RPL3L: variants seen among roughly 807,000 people sequenced by gnomAD.
RPL3L encodes ribosomal protein L3 like, also known as ribosomal protein uL3-like.
A neutral mutation model predicts 44.5 loss-of-function variants in RPL3L; 44 were observed. That is an observed-to-expected ratio of 0.99 (90% CI 0.78 to 1.27). The LOEUF (loss-of-function observed/expected upper bound fraction) is 1.27, where lower values mean the gene tolerates loss of function less well. Among genes scored for constraint, RPL3L ranks in the 50% most tolerant of loss-of-function variants. The pLI is 0.00. For synonymous variants in RPL3L, 292 were observed against 230.7 expected, an observed-to-expected ratio of 1.27 and a Z score of -2.41; for missense variants, 631 against 569.1, an observed-to-expected ratio of 1.11 and a Z score of -1.11.
Position 1,944,726 on chromosome 16 carries a change from T to C in RPL3L, c.*111A>G. On this transcript the variant is annotated 3_prime_UTR_variant, in exon 10 of 10. Coordinates refer to ENST00000268661, the MANE Select transcript of RPL3L (RefSeq NM_005061.3). ...TAGGCAGCAGGCAAGGTGAACCCCT[T>C]GGGCGGTTACACAGCGCTCTGAGAC... 7.3e-7 allele frequency: 1 copy of C among 1,373,850 alleles called. No homozygotes were observed. The highest frequency in any genetic ancestry group is 1.2e-5 in the South Asian group (1 of 85,636). The allele number at this position is 1,373,850 out of a possible 1,614,324, so 85.1% of individuals were successfully genotyped here.
Position 1,944,946 on chromosome 16 carries a change from G to A in RPL3L, c.1168-53C>T, listed in dbSNP as rs145199665. 44 of 1,609,344 alleles carry A rather than the reference G, an allele frequency of 2.7e-5. No individual in the cohort carries two copies. In the Admixed American group the frequency reaches 5.2e-4, roughly 19 times the overall value. ...CCTTAGTCACTCTGGCCAGAAACAC[G>A]CCCTCCCCCAGCCAGGCTCTAGATC... On this transcript the variant is annotated intron_variant, in intron 9 of 9. Transcript: ENST00000268661.
chr16:1,948,428 T>G (rs1597026727), intron 4 of RPL3L, among the ~76,000 whole-genome samples: 1 of 152,154 alleles, frequency 6.6e-6, no homozygotes, highest in South Asian at 2.1e-4. Flanking sequence ...GTTTCCCATG[T>G]TGGCCAGGCT....
intron 4 of RPL3L, 63 bp from the exon 5 acceptor site, chr16:1,947,443 G>T: frequency 6.9e-7 from 1 of 1,455,886 alleles, no homozygotes; most frequent in South Asian, 1.4e-5. Context: ...CTGAAACATG[G>T]CATGGCCAGC....
At chr16:1,945,739 G>T (rs988068640) in intron 8 of RPL3L, 96 bp downstream of exon 8, 90 of 1,601,846 alleles carry the variant, frequency 5.6e-5, no homozygotes, top group Non-Finnish European at 5.9e-5. Flanking sequence ...CTCCCCTTCT[G>T]CTCCCACCAC....
chr16:1,947,014 T>C lies in RPL3L; in HGVS notation c.773A>G (p.His258Arg). 6.2e-7 allele frequency: 1 copy of C among 1,612,110 alleles called. No homozygotes were observed. Among genetic ancestry groups the C allele is most frequent in the Non-Finnish European group, 8.5e-7 (1 of 1,179,690 alleles). Residue 258 changes from histidine to arginine, a missense_variant, in exon 6 of 10, where the codon CAC becomes CGC. His to Arg is a conservative substitution (Grantham distance 29). Coordinates refer to ENST00000268661, the MANE Select transcript of RPL3L (RefSeq NM_005061.3). ...LRKVACIGAWHPARVGCSIAR... is the reference protein window; with the variant it reads ...LRKVACIGAWRPARVGCSIAR... ...AATGGAGCAGCCCACGCGGGCGGGG[T>C]GCCAGGCGCCAATGCAGGCCACCTT...
intron 9 of RPL3L, among the ~76,000 whole-genome samples, chr16:1,945,172 G>A (rs141170970): frequency 0.043 from 6,504 of 151,992 alleles, 244 homozygotes; most frequent in South Asian, 0.11. Flanking sequence ...TGGCTAATAC[G>A]ATGAAACCCC....
rs754614526 is a variant in RPL3L at position 1,954,049 on chromosome 16, C to T, written c.103G>A (p.Asp35Asn). ...AGGTGCACGGGCTGGCTGGGGTCAT[C>T]CCGCGGCCACGTCTTCACCTTGCCC... ...HRGKVKTWPR[D>N]DPSQPVHLTA... Residue 35 changes from aspartate (D) to asparagine (N), a missense_variant, in exon 2 of 10, where the codon GAT becomes AAT. Asp to Asn is a conservative substitution (Grantham distance 23). Coordinates refer to ENST00000268661, the MANE Select transcript of RPL3L (RefSeq NM_005061.3). 5.6e-6 allele frequency: 9 copies of T among 1,607,252 alleles called. No individual in the cohort carries two copies. Among genetic ancestry groups the T allele is most frequent in the Non-Finnish European group, 7.6e-6 (9 of 1,177,686 alleles).
intron 4 of RPL3L, among the ~76,000 whole-genome samples, chr16:1,948,775 G>C (rs1387203067): frequency 6.6e-6 from 1 of 151,916 alleles, no homozygotes; most frequent in Non-Finnish European, 1.5e-5. Context: ...GAGTGCAGTG[G>C]CGCAATCTCG....
At chr16:1,950,383 G>C (rs1303300954) in intron 4 of RPL3L, among the ~76,000 whole-genome samples, 1 of 151,972 alleles carries the variant, frequency 6.6e-6, no homozygotes, top group East Asian at 1.9e-4. Context: ...GGAAGCTCAG[G>C]GTCGGGGGCA....
In RPL3L at chr16:1,947,221, C is replaced by T; in HGVS notation, c.661G>A (p.Ala221Thr). 4.3e-6 allele frequency: 7 copies of T among 1,613,120 alleles called. No homozygotes were observed. The highest frequency in any genetic ancestry group is 5.9e-6 in the Non-Finnish European group (7 of 1,179,422). ...TTGACGCCTCGACCCTTGGTGACAGCAATGACATCAATGACCTCACTCTGG... is the reference window on the plus strand; with the variant it reads ...TTGACGCCTCGACCCTTGGTGACAGTAATGACATCAATGACCTCACTCTGG... ...FSQSEVIDVI[A>T]VTKGRGVKGV... is the part of the protein sequence containing the mutation. The change falls in exon 5 of 10, where the codon GCT becomes ACT. Residue 221 changes from alanine (A) to threonine (T), a missense_variant. Transcript: ENST00000268661.
intron 4 of RPL3L, among the ~76,000 whole-genome samples, chr16:1,949,268 T>G (rs1488580296): frequency 3.1e-5 from 4 of 130,658 alleles, no homozygotes; most frequent in Non-Finnish European, 6.5e-5. Flanking sequence ...TCTTTTTTTT[T>G]TTTTTTTTTT....
intron 1 of RPL3L, 64 bp downstream of exon 1, chr16:1,954,565 G>C (rs373752625): frequency 6.7e-7 from 1 of 1,501,686 alleles, no homozygotes. Flanking sequence ...CAGAAGCCCA[G>C]CTGTCCCACC....
chr16:1,946,683 A>C lies in RPL3L; in HGVS notation c.893T>G (p.Leu298Arg). ...GCTGGTGGATGCATTGTTCTTCACC[A>C]GCTTCCCGTCCTCCATGTGCGGGCC... is the stretch of plus-strand genomic sequence containing the variant. ...GRGPHMEDGK[L>R]VKNNASTSYD... Residue 298 changes from leucine (L) to arginine (R), a missense_variant, in exon 7 of 10, where the codon CTG becomes CGG. Transcript: ENST00000268661. 6.2e-7 allele frequency: 1 copy of C among 1,612,810 alleles called. No homozygotes were observed. The highest frequency in any genetic ancestry group is 8.5e-7 in the Non-Finnish European group (1 of 1,179,976).
At chr16:1,949,252 T>C (rs57830631) in intron 4 of RPL3L, among the ~76,000 whole-genome samples, 26 of 114,070 alleles carry the variant, frequency 2.3e-4, no homozygotes, top group African/African-American at 7.9e-4. Flanking sequence ...TTGTTTTTTT[T>C]TTTTTTCTTT....
chr16:1,945,453 G>A, intron 9 of RPL3L, 46 bp downstream of exon 9: 1 of 1,581,096 alleles, frequency 6.3e-7, no homozygotes, highest in South Asian at 1.1e-5. Flanking sequence ...GCTGGATGTG[G>A]AGCTGGAGCC....
chr16:1,944,850 G>T lies in RPL3L; in HGVS notation c.1211C>A (p.Ser404Ter). ...KHLEKETPET[S>*]GDL ...ACCCCACACAGCCTACAAGTCTCCC[G>T]AGGTCTCCGGCGTTTCCTTCTCCAG... The change falls in exon 10 of 10, where the codon TCG (serine) becomes TAG (stop). Residue 404 changes from serine to a stop codon, truncating the protein, a stop_gained. Transcript: ENST00000268661. LOFTEE classifies it high-confidence loss of function. 2 of 1,614,040 alleles carry T rather than the reference G, an allele frequency of 1.2e-6. No individual in the cohort carries two copies. Among genetic ancestry groups the T allele is most frequent in the Non-Finnish European group, 1.7e-6 (2 of 1,180,002 alleles).
rs71394716 is a variant in RPL3L at position 1,951,726 on chromosome 16, CATTATTATTATTATT to C, written c.366-762_366-748del. Among the ~76,000 whole-genome samples, 452 of 138,028 alleles carry C rather than the reference CATTATTATTATTATT, an allele frequency of 3.3e-3. 2 individuals carry two copies. The highest frequency in any genetic ancestry group is 0.012 in the East Asian group (58 of 4,732). 90.6% of individuals were successfully genotyped at this position (138,028 alleles called of 152,430 possible). A position where few individuals can be genotyped will look rare whatever the true frequency, so the allele number is the denominator to read the frequency against. On this transcript the variant is annotated intron_variant, in intron 3 of 9. Coordinates refer to ENST00000268661, the MANE Select transcript of RPL3L (RefSeq NM_005061.3). The stretch of plus-strand genomic sequence containing the variant: ...CCTCAGCAGAGTTCTGGGAGGTGGA[CATTATTATTATTATT>C]ATTATTATTATTATTATTATTATTA...
At chr16:1,953,862 G>T in intron 2 of RPL3L, 94 bp downstream of exon 2, 1 of 1,272,552 alleles carries the variant, frequency 7.9e-7, no homozygotes, top group Non-Finnish European at 1.0e-6. Context: ...CCCTGGGACT[G>T]TGGCCCTGTC....
intron 4 of RPL3L, among the ~76,000 whole-genome samples, chr16:1,950,524 G>A (rs145578330): frequency 4.6e-5 from 7 of 152,258 alleles, no homozygotes; most frequent in African/African-American, 1.7e-4. Flanking sequence ...GGATTCCTGT[G>A]CACACTTACG....
Sources: gnomAD v4.1 joint callset for allele counts (sites outside exome capture counted in the v4.1 genomes callset) on GRCh38, gnomAD v4.1.1 for gene constraint, MANE v1.5 for transcripts, NCBI Gene and HGNC (gene_info 2026-07-23, HGNC 2026-07-21) for gene names.